TTC24: variants seen among roughly 807,000 people sequenced by gnomAD.
The protein encoded by TTC24 is tetratricopeptide repeat protein 24.
A neutral mutation model predicts 63.3 loss-of-function variants in TTC24; 54 were observed. That is an observed-to-expected ratio of 0.85 (90% CI 0.69 to 1.07). The LOEUF (loss-of-function observed/expected upper bound fraction) is 1.07. TTC24 is among the 50% of genes least tolerant of loss of function. TTC24 has a pLI of 0.00. For missense variants in TTC24, 680 were observed against 730.5 expected (o/e 0.93, Z 0.80); for synonymous variants, 276 against 304.3 (o/e 0.91, Z 0.97).
At chr1:156,584,018 C>T in intron 6 of TTC24, 123 bp downstream of exon 6, 1 of 775,264 alleles carries the variant, frequency 1.3e-6, no homozygotes, top group Non-Finnish European at 2.2e-6. Context: ...CTGTGTTCAT[C>T]CGCCTTGAGC....
rs1392942938 is a variant in TTC24 at position 156,583,866 on chromosome 1, C to T, written c.1222C>T (p.Gln408Ter). The change falls in exon 6 of 11, where the codon CAG becomes TAG. Residue 408 changes from glutamine to a stop codon, truncating the protein, a stop_gained. Coordinates refer to ENST00000368236, the MANE Select transcript of TTC24 (RefSeq NM_001105669.4). LOFTEE classifies it high-confidence loss of function. The surrounding 1 kb of genome is among the most constrained non-coding windows in gnomAD (Gnocchi z 4.0). ...AGACACCGTGAGGACGCGCTTGGCC[C>T]AGGTGGGGCTGGTCCAGACTCACAC... Reference protein sequence around the residue: ...LADTVRTRLAQVGLVQTHTLT... With the variant: ...LADTVRTRLA 1 of 1,584,004 alleles carries T rather than the reference C, an allele frequency of 6.3e-7. No homozygotes were observed. Among genetic ancestry groups the T allele is most frequent in the Non-Finnish European group, 8.6e-7 (1 of 1,165,930 alleles).
chr1:156,582,121 G>A, intron 2 of TTC24, 51 bp downstream of exon 2: 2 of 1,462,636 alleles, frequency 1.4e-6, no homozygotes, highest in Non-Finnish European at 1.8e-6. Context: ...CACAGAGCCT[G>A]ATGATACTCA....
intron 1 of TTC24, 36 bp from the exon 2 acceptor site, chr1:156,581,325 G>A (rs1676983045): frequency 5.6e-6 from 8 of 1,437,662 alleles, no homozygotes; most frequent in South Asian, 1.5e-5. Flanking sequence ...AGGAAGCCAA[G>A]GCTGACATAC....
rs765157581 is a variant in TTC24, at chr1:156,583,923, G to T, written c.1251+28G>T. On this transcript the variant is annotated intron_variant, in intron 6 of 10. Coordinates refer to ENST00000368236, the MANE Select transcript of TTC24 (RefSeq NM_001105669.4). This position sits in a 1 kb window ranked among gnomAD's most constrained non-coding sequence, Gnocchi z 4.0. The stretch of plus-strand genomic sequence containing the variant: ...GAGATGACACCTGAGACAAGGAGAT[G>T]GGGGTGGAGAGAGGTTACCCAGAGA... 9 of 1,545,910 alleles carry T rather than the reference G, an allele frequency of 5.8e-6. No homozygotes were observed. Among genetic ancestry groups the T allele is most frequent in the Non-Finnish European group, 7.9e-6 (9 of 1,139,266 alleles).
In TTC24 at chr1:156,582,451, G is replaced by T; in HGVS notation, c.910+17G>T. ...ACCTACACGGTGGGTGCCTGGGGCC[G>T]GGGAATGGGACTGGGACTAAGACAC... On this transcript the variant is annotated intron_variant, in intron 3 of 10. Transcript: ENST00000368236. The T allele has an allele frequency of 1.2e-6, 2 of 1,610,998 alleles. No individual in the cohort carries two copies. Among genetic ancestry groups the T allele is most frequent in the Non-Finnish European group, 1.7e-6 (2 of 1,177,640 alleles).
intron 1 of TTC24, among the ~76,000 whole-genome samples, chr1:156,580,878 C>T (rs1676971880): frequency 6.6e-6 from 1 of 152,218 alleles, no homozygotes; most frequent in South Asian, 2.1e-4. Context: ...GCATTAAGTA[C>T]ACTCACATTA....
Position 156,587,402 on chromosome 1 carries a change from A to G in TTC24, c.*852A>G, listed in dbSNP as rs1024107100. Among the ~76,000 whole-genome samples, 1 of 152,244 alleles carries G rather than the reference A, an allele frequency of 6.6e-6. No individual in the cohort carries two copies. The highest frequency in any genetic ancestry group is 2.4e-5 in the African/African-American group (1 of 41,462). On this transcript the variant is annotated 3_prime_UTR_variant, in exon 11 of 11. Transcript: ENST00000368236. Reference sequence around the variant, plus strand: ...AGCTGGGAATCAAACCCAGGCAGTGAGCACTTTCTAGAATGCTGTGCAGTT... The same window carrying G: ...AGCTGGGAATCAAACCCAGGCAGTGGGCACTTTCTAGAATGCTGTGCAGTT...
chr1:156,582,695 G>A, intron 3 of TTC24, among the ~76,000 whole-genome samples: 1 of 152,222 alleles, frequency 6.6e-6, no homozygotes, highest in Non-Finnish European at 1.5e-5. Flanking sequence ...GAGGAGGCCT[G>A]AAGCGGAGTC....
At chr1:156,582,095 A>G (rs1410747780) in intron 2 of TTC24, 25 bp downstream of exon 2, 4 of 1,463,830 alleles carry the variant, frequency 2.7e-6, no homozygotes, top group Non-Finnish European at 3.6e-6. Context: ...CAGGGAAGGC[A>G]TGGGATCTGG....
At position 156,583,928 on chromosome 1, in the gene TTC24, T is replaced by A. The variant is rs1395936177; in HGVS notation, c.1251+33T>A. 3.9e-6 allele frequency: 6 copies of A among 1,530,320 alleles called. No individual in the cohort carries two copies. The highest frequency in any genetic ancestry group is 2.8e-5 in the African/African-American group (2 of 71,970). 94.8% of individuals were successfully genotyped at this position (1,530,320 alleles called of 1,614,324 possible). A position where few individuals can be genotyped will look rare whatever the true frequency, so the allele number is the denominator to read the frequency against. On this transcript the variant is annotated intron_variant, in intron 6 of 10. Transcript: ENST00000368236. The surrounding 1 kb of genome is among the most constrained non-coding windows in gnomAD (Gnocchi z 4.0). Reference sequence around the variant, plus strand: ...GACACCTGAGACAAGGAGATGGGGGTGGAGAGAGGTTACCCAGAGAAGGGG... The same window carrying A: ...GACACCTGAGACAAGGAGATGGGGGAGGAGAGAGGTTACCCAGAGAAGGGG...
In TTC24 at chr1:156,581,524, G is replaced by T. The variant is rs1676992637; in HGVS notation, c.160G>T (p.Glu54Ter). The T allele has an allele frequency of 6.4e-6, 10 of 1,551,424 alleles. No homozygotes were observed. The highest frequency in any genetic ancestry group is 8.7e-6 in the Non-Finnish European group (10 of 1,146,790). Residue 54 changes from glutamate to a stop codon, truncating the protein, a stop_gained, in exon 2 of 11, where the codon GAA becomes TAA. Transcript: ENST00000368236. LOFTEE classifies it high-confidence loss of function. ...GGCCCTTCAGGCTGGCCAGAACCAT[G>T]AAGCCTTGAACAACTTCCAGAGGGC... ...HGALQAGQNH[E>*]ALNNFQRAFL...
chr1:156,581,300 G>T (rs4661186), intron 1 of TTC24, 61 bp from the exon 2 acceptor site: 59,762 of 1,274,948 alleles, frequency 0.047, 3,424 homozygotes, highest in African/African-American at 0.27. Flanking sequence ...GCCCTAAGGG[G>T]GTCCTGCTAT....
rs777366391 is a variant in TTC24 at position 156,586,506 on chromosome 1, C to T, written c.1705C>T (p.Arg569Cys). 11 of 1,613,196 alleles carry T rather than the reference C, an allele frequency of 6.8e-6. No individual in the cohort carries two copies. In the South Asian group the frequency reaches 7.7e-5, roughly 11 times the overall value. ...GCCCAGGGAAAGCCTCAGCAGGAGC[C>T]GCCAGAGGAGACCCATGGAGTCGGG... ...RWPRESLSRS[R>C]QRRPMESGIC... Residue 569 changes from arginine (R) to cysteine (C), a missense_variant, in exon 11 of 11, where the codon CGC (arginine) becomes TGC (cysteine). Transcript: ENST00000368236.
intron 3 of TTC24, 64 bp from the exon 4 acceptor site, chr1:156,582,978 G>T: frequency 6.4e-7 from 1 of 1,555,340 alleles, no homozygotes; most frequent in Non-Finnish European, 8.7e-7. Context: ...GTTGCTGGAG[G>T]GTGGGGTCCT....
In TTC24 at chr1:156,585,717, T is replaced by C; in HGVS notation, c.1461T>C (p.Cys487=). 1 of 1,612,392 alleles carries C rather than the reference T, an allele frequency of 6.2e-7. No homozygotes were observed. The highest frequency in any genetic ancestry group is 8.5e-7 in the Non-Finnish European group (1 of 1,178,426). The change falls in exon 9 of 11, where the codon TGT becomes TGC. Residue 487 remains cysteine, a synonymous_variant. Transcript: ENST00000368236. ...TTACCGATGTCTCCTTTTCAGTGTG[T>C]TTCCTTCCAGGCACAGTGAATCATT... ...VRAGPGRPEL[C]FLPGTVNHSH...
rs1677121524 is a variant in TTC24, at chr1:156,585,210, GC to G, written c.1436del (p.Ala479ValfsTer15). 1 of 1,612,728 alleles carries G rather than the reference GC, an allele frequency of 6.2e-7. No individual in the cohort carries two copies. The highest frequency in any genetic ancestry group is 1.3e-5 in the African/African-American group (1 of 74,882). On this transcript the variant is annotated frameshift_variant, in exon 8 of 11. Coordinates refer to ENST00000368236, the MANE Select transcript of TTC24 (RefSeq NM_001105669.4). LOFTEE classifies it high-confidence loss of function. ...GAGGTCGGCAAACGTTCCGGTGAGG[GC>G]TGGGCCGGGAAGACCAGAGCGTGAG... Reference protein sequence around the residue: ...EERSANVPVRAGPGRPELCFL... With the variant: ...EERSANVPVRXGPGRPELCFL...
In TTC24 at chr1:156,585,982, G is replaced by A; in HGVS notation, c.1604G>A (p.Gly535Asp). The change falls in exon 10 of 11, where the codon GGT (glycine) becomes GAT (aspartate). Residue 535 changes from glycine to aspartate, a missense_variant. Gly to Asp is a moderately conservative substitution (Grantham distance 94, BLOSUM62 -1). Coordinates refer to ENST00000368236, the MANE Select transcript of TTC24 (RefSeq NM_001105669.4). ...PGPRAHLPFVGPGPPRAEYPS... is the reference protein window; with the variant it reads ...PGPRAHLPFVDPGPPRAEYPS... Reference sequence around the variant, plus strand: ...CCCAGGGCCCATCTTCCATTTGTAGGTCCAGGCCCTCCCAGAGCGGAGTAC... The same window carrying A: ...CCCAGGGCCCATCTTCCATTTGTAGATCCAGGCCCTCCCAGAGCGGAGTAC... The A allele has an allele frequency of 6.3e-7, 1 of 1,596,394 alleles. No homozygotes were observed. The highest frequency in any genetic ancestry group is 2.3e-5 in the East Asian group (1 of 44,142).
Position 156,586,701 on chromosome 1 carries a change from C to A in TTC24, c.*151C>A, listed in dbSNP as rs1161945434. 10 of 633,052 alleles carry A rather than the reference C, an allele frequency of 1.6e-5. No individual in the cohort carries two copies. Among genetic ancestry groups the A allele is most frequent in the Non-Finnish European group, 2.7e-5 (10 of 372,588 alleles). 39.2% of individuals were successfully genotyped at this position (633,052 alleles called of 1,614,324 possible). A position where few individuals can be genotyped will look rare whatever the true frequency, so the allele number is the denominator to read the frequency against. ...CCAGTGGACTCCTGAGGAGGCTGGC[C>A]AAGGGCTTTGCAGGCTCGGCCCTGA... is the stretch of plus-strand genomic sequence containing the variant. On this transcript the variant is annotated 3_prime_UTR_variant, in exon 11 of 11. Transcript: ENST00000368236.
Position 156,581,817 on chromosome 1 carries a change from T to C in TTC24, c.453T>C (p.Gly151=). The C allele has an allele frequency of 6.4e-7, 1 of 1,551,120 alleles. No individual in the cohort carries two copies. The highest frequency in any genetic ancestry group is 8.7e-7 in the Non-Finnish European group (1 of 1,146,662). ...CCCTGGGCCACTACCAGCCACAGGGTGACCAGGGAGAAGCCTGGGCAAAAA... is the reference window on the plus strand; with the variant it reads ...CCCTGGGCCACTACCAGCCACAGGGCGACCAGGGAGAAGCCTGGGCAAAAA... ...HRALGHYQPQ[G]DQGEAWAKMG... is the part of the protein sequence containing the mutation. The change falls in exon 2 of 11, where the codon GGT becomes GGC. Residue 151 remains glycine (G), a synonymous_variant. Coordinates refer to ENST00000368236, the MANE Select transcript of TTC24 (RefSeq NM_001105669.4).
Sources: allele counts gnomAD v4.1 joint callset (sites outside exome capture counted in the v4.1 genomes callset), GRCh38; gene constraint gnomAD v4.1.1; non-coding constraint Gnocchi (gnomAD v3.1); transcripts MANE v1.5; gene names NCBI Gene and HGNC (gene_info 2026-07-23, HGNC 2026-07-21).